NRXN3: variants seen among roughly 807,000 people sequenced by gnomAD.
NRXN3 encodes neurexin 3.
NRXN3 carries 32 observed loss-of-function variants against 137.6 expected under a neutral mutation model. The observed-to-expected ratio is 0.23, with a 90% CI of 0.18 to 0.31. The LOEUF is 0.31. NRXN3 is among the 10% of genes least tolerant of loss of function. The pLI is 1.00. For synonymous variants in NRXN3, 798 were observed against 784.5 expected, an observed-to-expected ratio of 1.02 and a Z score of -0.29; for missense variants, 1,574 against 2,062.5, an observed-to-expected ratio of 0.76 and a Z score of 4.59.
intron 10 of NRXN3, among the ~76,000 whole-genome samples, chr14:78,835,642 T>A (rs1243992204): frequency 6.6e-6 from 1 of 152,182 alleles, no homozygotes; most frequent in African/African-American, 2.4e-5. Context: ...GTTTATTATA[T>A]ACATAGGCTT....
At chr14:79,688,128 G>C (rs1279039306) in intron 17 of NRXN3, among the ~76,000 whole-genome samples, 1 of 149,762 alleles carries the variant, frequency 6.7e-6, no homozygotes, top group Non-Finnish European at 1.5e-5. Context: ...TGAGACAAGG[G>C]AAGCATACCG....
At chr14:79,650,754 T>C (rs1270952915) in intron 16 of NRXN3, among the ~76,000 whole-genome samples, 1 of 152,158 alleles carries the variant, frequency 6.6e-6, no homozygotes, top group Non-Finnish European at 1.5e-5. Context: ...CTTACACATC[T>C]TATTGATTTG....
intron 20 of NRXN3, chr14:79,853,419 T>G (rs1384963265): frequency 3.1e-5 from 8 of 254,116 alleles, no homozygotes; most frequent in Non-Finnish European, 5.8e-5. Context: ...AATTGCATGT[T>G]GAAGAAGTTG....
intron 1 of NRXN3, among the ~76,000 whole-genome samples, chr14:78,218,314 C>T (rs1192072491): frequency 1.3e-5 from 2 of 152,104 alleles, no homozygotes; most frequent in East Asian, 1.9e-4. Context: ...CATGCTCACG[C>T]CACTGTGCTC....
intron 6 of NRXN3, among the ~76,000 whole-genome samples, chr14:78,660,887 G>T (rs962050632): frequency 1.3e-5 from 2 of 152,084 alleles, no homozygotes; most frequent in Admixed American, 6.5e-5. Context: ...ATAGGTCCTT[G>T]GACAGGGAAA....
chr14:78,524,729 C>T (rs1186899890), intron 4 of NRXN3, among the ~76,000 whole-genome samples: 2 of 152,142 alleles, frequency 1.3e-5, no homozygotes, highest in Non-Finnish European at 2.9e-5. Flanking sequence ...AAGATACCTT[C>T]AACCTCTCTC....
rs74760628 is a variant in NRXN3 at position 79,661,220 on chromosome 14, T to C, written c.3445-2558T>C. On this transcript the variant is annotated intron_variant, in intron 16 of 20. Transcript: ENST00000335750. Reference sequence around the variant, plus strand: ...ACAGATTTACGAAATCATGAGTGTGTTTAGTCACAATTTTGGGAGGTACCT... The same window carrying C: ...ACAGATTTACGAAATCATGAGTGTGCTTAGTCACAATTTTGGGAGGTACCT... 4.3e-4 allele frequency among the ~76,000 whole-genome samples: 66 copies of C among 152,242 alleles called. No individual in the cohort carries two copies. The East Asian group carries it at 0.013, about 29-fold the overall frequency.
chr14:78,292,308 C>T (rs151213757), intron 3 of NRXN3, among the ~76,000 whole-genome samples: 5 of 152,316 alleles, frequency 3.3e-5, no homozygotes, highest in East Asian at 1.9e-4. Flanking sequence ...GAGGGCCTTA[C>T]GTGTACTTTG....
At position 79,019,317 on chromosome 14, in the gene NRXN3, G is replaced by A. The variant is rs551348837; in HGVS notation, c.3262+31176G>A. On this transcript the variant is annotated intron_variant, in intron 15 of 20. Transcript: ENST00000335750. ...TTAAAGGCAACTGCTCTTATTATTTGCATATATCTTATGCCATGCTCTAGA... is the reference window on the plus strand; with the variant it reads ...TTAAAGGCAACTGCTCTTATTATTTACATATATCTTATGCCATGCTCTAGA... Among the ~76,000 whole-genome samples, 12 of 152,226 alleles carry A rather than the reference G, an allele frequency of 7.9e-5. No homozygotes were observed. In the South Asian group the frequency reaches 1.7e-3, roughly 21 times the overall value.
intron 15 of NRXN3, among the ~76,000 whole-genome samples, chr14:79,155,890 C>A (rs1384477787): frequency 6.6e-6 from 1 of 151,760 alleles, no homozygotes; most frequent in African/African-American, 2.4e-5. Context: ...AAAACATAGT[C>A]ATAAACATTG....
intron 15 of NRXN3, among the ~76,000 whole-genome samples, chr14:79,250,072 C>T (rs1737677503): frequency 6.6e-6 from 1 of 152,160 alleles, no homozygotes; most frequent in African/African-American, 2.4e-5. Flanking sequence ...ATAAGCAGAA[C>T]TGTGACATGT....
chr14:78,625,136 G>C (rs896927704), intron 4 of NRXN3, among the ~76,000 whole-genome samples: 2 of 152,124 alleles, frequency 1.3e-5, no homozygotes, highest in Non-Finnish European at 2.9e-5. Context: ...CACCGCACCT[G>C]GTCCCTGTTC....
intron 15 of NRXN3, among the ~76,000 whole-genome samples, chr14:79,154,735 C>G (rs931291874): frequency 3.3e-5 from 5 of 151,868 alleles, no homozygotes; most frequent in African/African-American, 1.2e-4. Flanking sequence ...CAGGCACAAG[C>G]TGTGTAAAGG....
intron 10 of NRXN3, among the ~76,000 whole-genome samples, chr14:78,931,725 A>G (rs73323374): frequency 0.017 from 2,619 of 152,238 alleles, 74 homozygotes; most frequent in African/African-American, 0.06. Context: ...ATCCCAAAAG[A>G]TCTGGGGTTG....
At chr14:79,482,427 A>G (rs1321024104) in intron 16 of NRXN3, among the ~76,000 whole-genome samples, 1 of 152,204 alleles carries the variant, frequency 6.6e-6, no homozygotes, top group East Asian at 1.9e-4. Context: ...ACTGTAATCA[A>G]AAAAGCACAG....
At chr14:79,536,819 A>G (rs1287767059) in intron 16 of NRXN3, among the ~76,000 whole-genome samples, 40 of 152,230 alleles carry the variant, frequency 2.6e-4, no homozygotes, top group East Asian at 1.9e-4. Context: ...ATAGTATTCC[A>G]TGGTATCTAT....
intron 19 of NRXN3, among the ~76,000 whole-genome samples, chr14:79,776,102 T>C (rs1442817139): frequency 6.6e-6 from 1 of 152,220 alleles, no homozygotes; most frequent in Non-Finnish European, 1.5e-5. Context: ...GCATCATCCT[T>C]CAAGGACCAG....
At position 79,371,660 on chromosome 14, in the gene NRXN3, G is replaced by A. The variant is rs147059107; in HGVS notation, c.3263-95561G>A. 9.9e-4 allele frequency among the ~76,000 whole-genome samples: 151 copies of A among 152,180 alleles called. 2 individuals carry two copies. In the South Asian group the frequency reaches 0.011, roughly 11 times the overall value. On this transcript the variant is annotated intron_variant, in intron 15 of 20. Transcript: ENST00000335750. ...AGTAAAACAGGGCCCTCACTTCACAGGCACGGTGAATTCTTTGTTGATAAG... is the reference window on the plus strand; with the variant it reads ...AGTAAAACAGGGCCCTCACTTCACAAGCACGGTGAATTCTTTGTTGATAAG...
At chr14:78,228,091 A>T (rs932866520) in intron 1 of NRXN3, among the ~76,000 whole-genome samples, 1 of 151,922 alleles carries the variant, frequency 6.6e-6, no homozygotes, top group African/African-American at 2.4e-5. Context: ...AATTTGAGAC[A>T]TTAATACAAT....
Sources: allele counts gnomAD v4.1 joint callset (sites outside exome capture counted in the v4.1 genomes callset), GRCh38; gene constraint gnomAD v4.1.1; transcripts MANE v1.5; gene names NCBI Gene and HGNC (gene_info 2026-07-23, HGNC 2026-07-21).